PYHIN1: variants seen among roughly 807,000 people sequenced by gnomAD.
PYHIN1 encodes the protein pyrin and HIN domain-containing protein 1.
PYHIN1 carries 32 observed loss-of-function variants against 43.7 expected under a neutral mutation model. The ratio of observed to expected loss-of-function variants is 0.73; its 90% CI spans 0.55 to 0.98. The LOEUF is 0.98. PYHIN1 is among the 50% of genes least tolerant of loss of function. The pLI is 0.00. For missense variants in PYHIN1, 588 were observed against 589.5 expected, an observed-to-expected ratio of 1.00 and a Z score of 0.03; for synonymous variants, 205 against 203.1, an observed-to-expected ratio of 1.01 and a Z score of -0.08.
In PYHIN1 at chr1:158,941,989, T is replaced by C. The variant is rs1386878020; in HGVS notation, c.592T>C (p.Leu198=). 3 of 1,603,484 alleles carry C rather than the reference T, an allele frequency of 1.9e-6. No individual in the cohort carries two copies. The highest frequency in any genetic ancestry group is 2.6e-6 in the Non-Finnish European group (3 of 1,175,296). ...NTSSTESLKP[L]ANRHATASKN... ...GTATCATGCGCAGAGCCTAAAACCA[T>C]TGGCCAACCGTCACGCAACTGCCAG... The change falls in exon 5 of 9, where the codon TTG becomes CTG. Residue 198 remains leucine, a synonymous_variant. Coordinates refer to ENST00000368140, the MANE Select transcript of PYHIN1 (RefSeq NM_152501.5).
At chr1:158,961,267 T>C (rs1264981383) in intron 7 of PYHIN1, among the ~76,000 whole-genome samples, 1 of 152,256 alleles carries the variant, frequency 6.6e-6, no homozygotes, top group African/African-American at 2.4e-5. Context: ...GTGAGTGTGC[T>C]AAATGTAAAT....
Position 158,937,028 on chromosome 1 carries a change from AAAG to A in PYHIN1, c.123_125del (p.Glu42del), listed in dbSNP as rs1175939691. 1 of 1,614,040 alleles carries A rather than the reference AAAG, an allele frequency of 6.2e-7. No homozygotes were observed. Among genetic ancestry groups the A allele is most frequent in the Non-Finnish European group, 8.5e-7 (1 of 1,180,016 alleles). ...CGATTTAAAACTTAATCCAAAAATG[AAAG>A]AAGAGTATGACAAAATTCAGATTGC... On this transcript the variant is annotated inframe_deletion, in exon 2 of 9. Coordinates refer to ENST00000368140, the MANE Select transcript of PYHIN1 (RefSeq NM_152501.5).
intron 7 of PYHIN1, among the ~76,000 whole-genome samples, chr1:158,959,273 G>A (rs957449541): frequency 2.0e-5 from 3 of 152,290 alleles, no homozygotes; most frequent in African/African-American, 4.8e-5. Context: ...GGAAGGTGCT[G>A]TAAAGAGTAG....
intron 1 of PYHIN1, among the ~76,000 whole-genome samples, chr1:158,935,797 T>C (rs12073719): frequency 0.023 from 3,470 of 152,176 alleles, 122 homozygotes; most frequent in African/African-American, 0.08. Flanking sequence ...AGGCAGGTTT[T>C]GGGGGATAGG....
In PYHIN1 at chr1:158,942,265, T is replaced by A. The variant is rs1298258736; in HGVS notation, c.868T>A (p.Ser290Thr). ...LLEVNEASSVSEAGPDQTFEV... is the reference protein window; with the variant it reads ...LLEVNEASSVTEAGPDQTFEV... ...AGAGGTGAATGAAGCCTCTTCTGTA[T>A]CTGAAGCTGGTCCTGACCAAACGTT... Residue 290 changes from serine to threonine, a missense_variant, in exon 5 of 9, where the codon TCT (serine) becomes ACT (threonine). Physicochemically the swap from Ser to Thr is moderately conservative, Grantham distance 58 (BLOSUM62 1). Coordinates refer to ENST00000368140, the MANE Select transcript of PYHIN1 (RefSeq NM_152501.5). 1.2e-6 allele frequency: 2 copies of A among 1,614,018 alleles called. No homozygotes were observed. Among genetic ancestry groups the A allele is most frequent in the African/African-American group, 1.3e-5 (1 of 74,930 alleles).
At chr1:158,944,218 C>T (rs35329894) in intron 6 of PYHIN1, among the ~76,000 whole-genome samples, 20 of 152,112 alleles carry the variant, frequency 1.3e-4, no homozygotes, top group Admixed American at 3.3e-4. Context: ...TTTGAAGAAA[C>T]TAGGAGGCCA....
In PYHIN1 at chr1:158,942,129, T is replaced by G. The variant is rs2101657952; in HGVS notation, c.732T>G (p.Ala244=). The change falls in exon 5 of 9, where the codon GCT becomes GCG. Residue 244 remains alanine, a synonymous_variant. Coordinates refer to ENST00000368140, the MANE Select transcript of PYHIN1 (RefSeq NM_152501.5). ...GAAGAATGTTTCATGCTACAGTGGCTACGCAGACACAGTTCTTTCATGTGA... is the reference window on the plus strand; with the variant it reads ...GAAGAATGTTTCATGCTACAGTGGCGACGCAGACACAGTTCTTTCATGTGA... ...EQRRMFHATV[A]TQTQFFHVKV... 2 of 1,614,156 alleles carry G rather than the reference T, an allele frequency of 1.2e-6. No homozygotes were observed. The highest frequency in any genetic ancestry group is 1.7e-6 in the Non-Finnish European group (2 of 1,180,006).
At chr1:158,968,456 G>A (rs1474802082) in intron 7 of PYHIN1, among the ~76,000 whole-genome samples, 1 of 152,064 alleles carries the variant, frequency 6.6e-6, no homozygotes, top group East Asian at 1.9e-4. Context: ...AGATACTGGT[G>A]AGCTTGCAGA....
intron 7 of PYHIN1, among the ~76,000 whole-genome samples, chr1:158,965,092 T>A (rs1487423402): frequency 6.6e-6 from 1 of 151,784 alleles, no homozygotes; most frequent in Non-Finnish European, 1.5e-5. Flanking sequence ...GGTGCCATCA[T>A]AATTTCAGAA....
At chr1:158,953,856 A>C (rs1420704201) in intron 7 of PYHIN1, among the ~76,000 whole-genome samples, 1 of 150,740 alleles carries the variant, frequency 6.6e-6, no homozygotes, top group Non-Finnish European at 1.5e-5. Context: ...ACTTTGAAAA[A>C]AAATTAGAAG....
chr1:158,934,649 C>T (rs1648400523), intron 1 of PYHIN1, among the ~76,000 whole-genome samples: 1 of 152,050 alleles, frequency 6.6e-6, no homozygotes, highest in Non-Finnish European at 1.5e-5. Context: ...CAATTAACAG[C>T]CCCAGGAATT....
chr1:158,978,534 T>G (rs1651374102), downstream of PYHIN1, among the ~76,000 whole-genome samples: 1 of 152,168 alleles, frequency 6.6e-6, no homozygotes, highest in African/African-American at 2.4e-5. Flanking sequence ...CTGCTTTATA[T>G]GCAAATGATA....
chr1:158,939,096 C>T lies in PYHIN1; in HGVS notation c.428C>T (p.Ser143Phe), dbSNP rs147827524. The T allele has an allele frequency of 0.013, 20,432 of 1,586,596 alleles. 155 individuals carry two copies. The highest frequency in any genetic ancestry group is 0.016 in the Middle Eastern group (95 of 5,900). The change falls in exon 4 of 9, where the codon TCT (serine) becomes TTT (phenylalanine). Residue 143 changes from serine (S) to phenylalanine (F), a missense_variant. By Grantham distance (155) the Ser-to-Phe change is radical. Transcript: ENST00000368140. Reference sequence around the variant, plus strand: ...TACTTGTAGAAAAGAAAAAAACCATCTGAAGAAGAGACTGGAACCAAAAGG... The same window carrying T: ...TACTTGTAGAAAAGAAAAAAACCATTTGAAGAAGAGACTGGAACCAAAAGG... ...TLGPQKRKKPSEEETGTKRSK... is the reference protein window; with the variant it reads ...TLGPQKRKKPFEEETGTKRSK...
rs1049858917 is a variant in PYHIN1 at position 158,976,790 on chromosome 1, A to T, written c.*95A>T. The T allele has an allele frequency of 8.7e-7, 1 of 1,152,410 alleles. No homozygotes were observed. Among genetic ancestry groups the T allele is most frequent in the Non-Finnish European group, 1.3e-6 (1 of 769,216 alleles). 71.4% of individuals were successfully genotyped at this position (1,152,410 alleles called of 1,614,324 possible). A position where few individuals can be genotyped will look rare whatever the true frequency, so the allele number is the denominator to read the frequency against. On this transcript the variant is annotated 3_prime_UTR_variant, in exon 9 of 9. Transcript: ENST00000368140. The stretch of plus-strand genomic sequence containing the variant: ...CTGAAGTCCTCCACCTAAAAACCTG[A>T]TGCCATTGGTAATGATGTTTATGAA...
chr1:158,939,115 C>G lies in PYHIN1; in HGVS notation c.447C>G (p.Thr149=). The G allele has an allele frequency of 1.9e-6, 3 of 1,606,638 alleles. No homozygotes were observed. Among genetic ancestry groups the G allele is most frequent in the Non-Finnish European group, 2.5e-6 (3 of 1,177,934 alleles). The change falls in exon 4 of 9, where the codon ACC becomes ACG. Residue 149 remains threonine (T), a synonymous_variant. Coordinates refer to ENST00000368140, the MANE Select transcript of PYHIN1 (RefSeq NM_152501.5). ...AACCATCTGAAGAAGAGACTGGAAC[C>G]AAAAGGAGTAAGATGTCCAAAGAGC... ...RKKPSEEETG[T]KRSKMSKEQT...
At chr1:158,986,707 A>C in the PYHIN1 span, among the ~76,000 whole-genome samples, 1 of 152,320 alleles carries the variant, frequency 6.6e-6, no homozygotes, top group Admixed American at 6.5e-5. Flanking sequence ...TGCAGCCAAC[A>C]AAGGCTAAAG....
At chr1:158,961,483 T>G (rs919266525) in intron 7 of PYHIN1, among the ~76,000 whole-genome samples, 1 of 151,584 alleles carries the variant, frequency 6.6e-6, no homozygotes, top group Non-Finnish European at 1.5e-5. Context: ...AGCAAGTAAA[T>G]GCTAGATCTT....
chr1:158,938,668 A>T, intron 3 of PYHIN1, 126 bp downstream of exon 3: 1 of 924,466 alleles, frequency 1.1e-6, no homozygotes. Flanking sequence ...CAGATTTATC[A>T]AATTACATAA....
the PYHIN1 span, among the ~76,000 whole-genome samples, chr1:158,985,012 A>G: frequency 2.0e-5 from 3 of 151,970 alleles, no homozygotes; most frequent in Non-Finnish European, 2.9e-5. Context: ...TTTGCTTTAT[A>G]GATATTCCTC....
Sources: allele counts gnomAD v4.1 joint callset (sites outside exome capture counted in the v4.1 genomes callset), GRCh38; gene constraint gnomAD v4.1.1; transcripts MANE v1.5; gene names NCBI Gene and HGNC (gene_info 2026-07-23, HGNC 2026-07-21).